Variants in KIRREL3 observed in about 807,000 individuals in gnomAD.
KIRREL3 encodes kin of IRRE-like protein 3.
In KIRREL3, 36 loss-of-function variants were observed where a neutral mutation model predicts 89.7. That is an observed-to-expected ratio of 0.40 (90% confidence interval 0.31 to 0.53). The LOEUF is 0.53. Ranked by LOEUF, KIRREL3 falls within the 20% of genes least tolerant of loss-of-function variation. KIRREL3 has a pLI of 0.49. For synonymous variants in KIRREL3, 445 were observed against 441.4 expected (o/e 1.01, Z -0.10); for missense variants, 864 against 1,056.6 (o/e 0.82, Z 2.53).
chr11:126,903,641 G>T lies in KIRREL3; in HGVS notation c.55+96814C>A, dbSNP rs1263821945. ...CTGTAGCCTCTTTGCTGAGCTCCTG[G>T]AGACATTTGGTCTATTGGATTTATG... On this transcript the variant is annotated intron_variant, in intron 1 of 16. Coordinates refer to ENST00000525144, the MANE Select transcript of KIRREL3 (RefSeq NM_032531.4). The surrounding 1 kb of genome is among the most constrained non-coding windows in gnomAD (Gnocchi z 4.5). 2.0e-5 allele frequency among the ~76,000 whole-genome samples: 3 copies of T among 152,186 alleles called. No homozygotes were observed. The South Asian group carries it at 6.2e-4, about 31-fold the overall frequency.
At chr11:126,866,653 C>A (rs894412861) in intron 1 of KIRREL3, among the ~76,000 whole-genome samples, 1 of 151,976 alleles carries the variant, frequency 6.6e-6, no homozygotes, top group African/African-American at 2.4e-5. Flanking sequence ...CTCACTGCCC[C>A]CCCACACACA....
intron 2 of KIRREL3, among the ~76,000 whole-genome samples, chr11:126,539,536 C>A (rs1020295038): frequency 4.5e-4 from 69 of 152,276 alleles, no homozygotes; most frequent in African/African-American, 1.6e-3. Context: ...GCTAACGCTG[C>A]ATCAATGGAA....
chr11:126,577,073 G>A (rs180951953), intron 1 of KIRREL3, among the ~76,000 whole-genome samples: 4 of 152,280 alleles, frequency 2.6e-5, no homozygotes, highest in Admixed American at 6.5e-5. Context: ...CTCAGTCCAC[G>A]TGGAAGGAAG....
intron 1 of KIRREL3, among the ~76,000 whole-genome samples, chr11:126,893,052 C>T (rs1350356710): frequency 5.3e-5 from 8 of 152,128 alleles, no homozygotes; most frequent in South Asian, 2.1e-4. Context: ...TTGATATTCT[C>T]GCATTTACAT....
chr11:126,647,530 T>C lies in KIRREL3; in HGVS notation c.56-84618A>G, dbSNP rs528582876. Reference sequence around the variant, plus strand: ...CAGCAAACGTTTATCAGGCACCTTTTAGTGTAAGGTACTCTGCTGGGAGCC... The same window carrying C: ...CAGCAAACGTTTATCAGGCACCTTTCAGTGTAAGGTACTCTGCTGGGAGCC... On this transcript the variant is annotated intron_variant, in intron 1 of 16. Transcript: ENST00000525144. The surrounding 1 kb of genome is among the most constrained non-coding windows in gnomAD (Gnocchi z 4.9). 1.3e-5 allele frequency among the ~76,000 whole-genome samples: 2 copies of C among 152,238 alleles called. No homozygotes were observed. Among genetic ancestry groups the C allele is most frequent in the Admixed American group, 6.5e-5 (1 of 15,286 alleles).
intron 1 of KIRREL3, among the ~76,000 whole-genome samples, chr11:126,820,932 G>A (rs1348449861): frequency 2.0e-5 from 3 of 152,116 alleles, no homozygotes; most frequent in African/African-American, 2.4e-5. Context: ...AGGACCTGGC[G>A]TGCCCCCAAG....
rs1944679984 is a variant in KIRREL3, at chr11:126,860,843, G to A, written c.55+139612C>T. On this transcript the variant is annotated intron_variant, in intron 1 of 16. Coordinates refer to ENST00000525144, the MANE Select transcript of KIRREL3 (RefSeq NM_032531.4). The surrounding 1 kb of genome is among the most constrained non-coding windows in gnomAD (Gnocchi z 4.6). ...GATGGCACCCGTGGACACATTGAAA[G>A]TTTAGTGATCCTACACTTGATTCTT... Among the ~76,000 whole-genome samples the A allele has an allele frequency of 6.6e-6, 1 of 152,140 alleles. No homozygotes were observed. The highest frequency in any genetic ancestry group is 1.5e-5 in the Non-Finnish European group (1 of 68,020).
At chr11:126,936,359 C>G (rs140449365) in intron 1 of KIRREL3, 50 of 152,160 alleles carry the variant, frequency 3.3e-4, no homozygotes, top group African/African-American at 1.2e-3. Flanking sequence ...ATAAATTTAC[C>G]ATATGATCCA....
chr11:126,652,218 G>A lies in KIRREL3; in HGVS notation c.56-89306C>T, dbSNP rs757762521. Among the ~76,000 whole-genome samples, 14 of 152,094 alleles carry A rather than the reference G, an allele frequency of 9.2e-5. No homozygotes were observed. The highest frequency in any genetic ancestry group is 6.3e-4 in the South Asian group (3 of 4,798). On this transcript the variant is annotated intron_variant, in intron 1 of 16. Coordinates refer to ENST00000525144, the MANE Select transcript of KIRREL3 (RefSeq NM_032531.4). The surrounding 1 kb of genome is among the most constrained non-coding windows in gnomAD (Gnocchi z 4.9). Reference sequence around the variant, plus strand: ...GGATGGGCTTCTTTGGTTGAGTTCCGGTGTCTGTTAACCCCCCACCCCTTG... The same window carrying A: ...GGATGGGCTTCTTTGGTTGAGTTCCAGTGTCTGTTAACCCCCCACCCCTTG...
At chr11:126,855,784 A>T (rs1210045568) in intron 1 of KIRREL3, among the ~76,000 whole-genome samples, 2 of 152,116 alleles carry the variant, frequency 1.3e-5, no homozygotes. Flanking sequence ...TGACCAACCT[A>T]TGACTCTAGG....
intron 4 of KIRREL3, among the ~76,000 whole-genome samples, chr11:126,504,328 A>G (rs1170356690): frequency 2.6e-5 from 4 of 152,174 alleles, no homozygotes; most frequent in African/African-American, 9.7e-5. Context: ...CCTAGCAGCC[A>G]GGGTGAGTCT....
chr11:126,712,459 C>T (rs900286767), intron 1 of KIRREL3, among the ~76,000 whole-genome samples: 1 of 152,210 alleles, frequency 6.6e-6, no homozygotes, highest in Non-Finnish European at 1.5e-5. Flanking sequence ...GCACCCCTGC[C>T]GCCTGCTCCA....
chr11:126,999,726 C>A lies in KIRREL3; in HGVS notation c.55+729G>T, dbSNP rs1365016977. Among the ~76,000 whole-genome samples the A allele has an allele frequency of 6.6e-6, 1 of 152,228 alleles. No homozygotes were observed. Among genetic ancestry groups the A allele is most frequent in the African/African-American group, 2.4e-5 (1 of 41,472 alleles). On this transcript the variant is annotated intron_variant, in intron 1 of 16. Transcript: ENST00000525144. This position sits in a 1 kb window ranked among gnomAD's most constrained non-coding sequence, Gnocchi z 5.7. ...CCCCAGGGCTCCCAGTGGCAAGGAG[C>A]CTAGAGGTGGCAAAGTTCTTTCCGG...
At chr11:126,846,151 G>A (rs753436611) in intron 1 of KIRREL3, among the ~76,000 whole-genome samples, 2 of 152,120 alleles carry the variant, frequency 1.3e-5, no homozygotes, top group Non-Finnish European at 2.9e-5. Context: ...CGTACTTTTG[G>A]GAATGGGCTG....
Position 126,441,346 on chromosome 11 carries a change from C to G in KIRREL3, c.1253-797G>C, listed in dbSNP as rs1955555640. Among the ~76,000 whole-genome samples, 1 of 152,228 alleles carries G rather than the reference C, an allele frequency of 6.6e-6. No individual in the cohort carries two copies. Among genetic ancestry groups the G allele is most frequent in the Non-Finnish European group, 1.5e-5 (1 of 68,042 alleles). On this transcript the variant is annotated intron_variant, in intron 10 of 16. Transcript: ENST00000525144. This position sits in a 1 kb window ranked among gnomAD's most constrained non-coding sequence, Gnocchi z 5.0. ...CACATTGCACAGCCAAGAGAGTTCA[C>G]CTGGTGGAGGGGAGCCTGTTCCCCA...
intron 1 of KIRREL3, among the ~76,000 whole-genome samples, chr11:126,589,467 T>C (rs1382533593): frequency 6.6e-6 from 1 of 152,198 alleles, no homozygotes; most frequent in Non-Finnish European, 1.5e-5. Flanking sequence ...CACCATGGGC[T>C]TGGGAAACTG....
chr11:126,959,441 G>A (rs555649218), intron 1 of KIRREL3, among the ~76,000 whole-genome samples: 274 of 152,196 alleles, frequency 1.8e-3, no homozygotes, highest in Non-Finnish European at 2.7e-3. Context: ...TGTTGTTGTT[G>A]TTGTTGTTGT....
chr11:126,764,576 G>C lies in KIRREL3; in HGVS notation c.56-201664C>G, dbSNP rs1949761351. ...GTTCCTGGCAGCTCTTACTGCGCCA[G>C]TAACAACTGGATCTCAATCCCCAAA... On this transcript the variant is annotated intron_variant, in intron 1 of 16. Coordinates refer to ENST00000525144, the MANE Select transcript of KIRREL3 (RefSeq NM_032531.4). The surrounding 1 kb of genome is among the most constrained non-coding windows in gnomAD (Gnocchi z 4.2). Among the ~76,000 whole-genome samples the C allele has an allele frequency of 6.6e-6, 1 of 152,206 alleles. No individual in the cohort carries two copies. The highest frequency in any genetic ancestry group is 1.5e-5 in the Non-Finnish European group (1 of 68,042).
At chr11:126,871,678 C>T (rs1438712290) in intron 1 of KIRREL3, among the ~76,000 whole-genome samples, 1 of 152,168 alleles carries the variant, frequency 6.6e-6, no homozygotes, top group Non-Finnish European at 1.5e-5. Flanking sequence ...AAGCAGGAAT[C>T]ACCCTTGTGG....
Sources: gnomAD v4.1 joint callset for allele counts (sites outside exome capture counted in the v4.1 genomes callset) on GRCh38, gnomAD v4.1.1 for gene constraint, Gnocchi (gnomAD v3.1) non-coding constraint, MANE v1.5 for transcripts, NCBI Gene and HGNC (gene_info 2026-07-23, HGNC 2026-07-21) for gene names.